DSCAM: variants seen among roughly 807,000 people sequenced by gnomAD.
The protein encoded by DSCAM is cell adhesion molecule DSCAM.
A neutral mutation model predicts 217.7 loss-of-function variants in DSCAM; 47 were observed. That is an observed-to-expected ratio of 0.22 (90% CI 0.17 to 0.28). DSCAM has a LOEUF of 0.28. DSCAM is among the 10% of genes least tolerant of loss of function. The pLI is 1.00. For missense variants in DSCAM, 2,080 were observed against 2,618.3 expected (o/e 0.79, Z 4.49); for synonymous variants, 1,056 against 1,015.3 (o/e 1.04, Z -0.76).
intron 3 of DSCAM, among the ~76,000 whole-genome samples, chr21:40,584,527 G>T (rs972085190): frequency 1.3e-5 from 2 of 152,152 alleles, no homozygotes; most frequent in Non-Finnish European, 2.9e-5. Flanking sequence ...TGCCCATGGC[G>T]ATGTGCGGAG....
intron 11 of DSCAM, among the ~76,000 whole-genome samples, chr21:40,218,170 C>A (rs940867634): frequency 2.0e-5 from 3 of 151,884 alleles, no homozygotes; most frequent in African/African-American, 7.3e-5. Context: ...GATTTTTGTA[C>A]ATGTTGTAAG....
intron 16 of DSCAM, among the ~76,000 whole-genome samples, chr21:40,166,155 C>T (rs907925056): frequency 6.6e-6 from 1 of 152,030 alleles, no homozygotes; most frequent in Non-Finnish European, 1.5e-5. Flanking sequence ...AGAACCCATA[C>T]TAGAAGGAAA....
intron 1 of DSCAM, among the ~76,000 whole-genome samples, chr21:40,762,369 G>T (rs1343548876): frequency 6.6e-6 from 1 of 152,078 alleles, no homozygotes; most frequent in African/African-American, 2.4e-5. Context: ...TAGAAGAAAT[G>T]GACAAATTCC....
At chr21:40,796,398 C>A (rs919264785) in intron 1 of DSCAM, among the ~76,000 whole-genome samples, 1 of 152,166 alleles carries the variant, frequency 6.6e-6, no homozygotes, top group South Asian at 2.1e-4. Flanking sequence ...CAGTCCAACA[C>A]GTAATGTGAG....
chr21:40,095,086 G>A (rs988364427), intron 20 of DSCAM, among the ~76,000 whole-genome samples: 4 of 152,204 alleles, frequency 2.6e-5, no homozygotes, highest in Admixed American at 1.3e-4. Flanking sequence ...CATGGCTGGG[G>A]AGGCCTCACG....
intron 27 of DSCAM, among the ~76,000 whole-genome samples, chr21:40,072,350 CT>C (rs3069680): frequency 0.017 from 2,456 of 141,236 alleles, 57 homozygotes; most frequent in African/African-American, 0.057. Flanking sequence ...CTGTCAGATT[CT>C]TTTTTTTTTT....
At chr21:40,644,045 C>CA (rs2089914840) in intron 3 of DSCAM, among the ~76,000 whole-genome samples, 1 of 152,172 alleles carries the variant, frequency 6.6e-6, no homozygotes, top group Non-Finnish European at 1.5e-5. Flanking sequence ...CCCAACTTCC[C>CA]AAGCCCCAGC....
chr21:40,377,951 G>A (rs888194621), intron 3 of DSCAM, among the ~76,000 whole-genome samples: 3 of 152,164 alleles, frequency 2.0e-5, no homozygotes, highest in African/African-American at 4.8e-5. Context: ...GAACATCCAT[G>A]TAAGAACCTG....
chr21:40,410,791 T>G (rs910997393), intron 3 of DSCAM, among the ~76,000 whole-genome samples: 1 of 149,482 alleles, frequency 6.7e-6, no homozygotes, highest in South Asian at 2.1e-4. Context: ...GTAAGTAAAG[T>G]TGAGTCTTGC....
intron 14 of DSCAM, among the ~76,000 whole-genome samples, chr21:40,185,609 C>T (rs562119139): frequency 1.1e-3 from 166 of 152,352 alleles, no homozygotes; most frequent in African/African-American, 3.7e-3. Flanking sequence ...CCTGTCCCCA[C>T]GGTGCTCACT....
intron 3 of DSCAM, among the ~76,000 whole-genome samples, chr21:40,670,916 C>T (rs1407909497): frequency 6.6e-6 from 1 of 152,118 alleles, no homozygotes; most frequent in Non-Finnish European, 1.5e-5. Context: ...GAAGACAAGC[C>T]AAATGTACTT....
intron 3 of DSCAM, among the ~76,000 whole-genome samples, chr21:40,631,819 C>T (rs1304862356): frequency 6.6e-6 from 1 of 152,118 alleles, no homozygotes; most frequent in Non-Finnish European, 1.5e-5. Flanking sequence ...TGAGGCTTCC[C>T]AGTCATATCA....
At chr21:40,352,504 CTGGTGT>C (rs2074642532) in intron 5 of DSCAM, among the ~76,000 whole-genome samples, 1 of 151,694 alleles carries the variant, frequency 6.6e-6, no homozygotes, top group Non-Finnish European at 1.5e-5. Context: ...TTCTCTTAGG[CTGGTGT>C]TGCGCTAAGG....
chr21:40,126,965 TC>T (rs1182184211), intron 19 of DSCAM, among the ~76,000 whole-genome samples: 3 of 152,232 alleles, frequency 2.0e-5, no homozygotes, highest in African/African-American at 4.8e-5. Context: ...TTGGACAACA[TC>T]ATAAAGCTTA....
intron 3 of DSCAM, among the ~76,000 whole-genome samples, chr21:40,511,926 G>A (rs569806852): frequency 1.5e-4 from 22 of 144,262 alleles, no homozygotes; most frequent in African/African-American, 5.2e-4. Flanking sequence ...GGGAGCTGGA[G>A]CTTGCAGTGA....
intron 1 of DSCAM, among the ~76,000 whole-genome samples, chr21:40,758,093 G>A (rs939193453): frequency 5.3e-5 from 8 of 152,052 alleles, no homozygotes; most frequent in Non-Finnish European, 1.0e-4. Flanking sequence ...GGGAGAACAC[G>A]GTATGATAGA....
intron 3 of DSCAM, among the ~76,000 whole-genome samples, chr21:40,428,622 G>A (rs1362414157): frequency 6.6e-6 from 1 of 152,062 alleles, no homozygotes; most frequent in Non-Finnish European, 1.5e-5. Context: ...GTCTTTTATA[G>A]AGTCTAAGAC....
intron 3 of DSCAM, among the ~76,000 whole-genome samples, chr21:40,461,339 A>G (rs1333092953): frequency 6.6e-6 from 1 of 152,220 alleles, no homozygotes; most frequent in Non-Finnish European, 1.5e-5. Context: ...AATAATAATA[A>G]CATTTTCTAA....
chr21:40,432,211 A>AAATAAATAAAT (rs1569120503), intron 3 of DSCAM, among the ~76,000 whole-genome samples: 4 of 46,836 alleles, frequency 8.5e-5, no homozygotes, highest in Admixed American at 7.1e-4. Context: ...ATAATAATAA[A>AAATAAATAAAT]AAATAAATAT....
Sources: gnomAD v4.1 joint callset for allele counts (sites outside exome capture counted in the v4.1 genomes callset) on GRCh38, gnomAD v4.1.1 for gene constraint, MANE v1.5 for transcripts, NCBI Gene and HGNC (gene_info 2026-07-23, HGNC 2026-07-21) for gene names.